Variants in SELENOF observed in about 807,000 individuals in gnomAD.
SELENOF encodes selenoprotein F.
A neutral mutation model predicts 20.5 loss-of-function variants in SELENOF; 16 were observed. The observed-to-expected ratio is 0.78, with a 90% CI of 0.53 to 1.19. SELENOF has a LOEUF of 1.19. Ranked by LOEUF, SELENOF falls within the 50% of genes most tolerant of loss-of-function variation. The pLI is 0.00. For synonymous variants in SELENOF, 78 were observed against 74.5 expected, an observed-to-expected ratio of 1.05 and a Z score of -0.24; for missense variants, 215 against 194.2, an observed-to-expected ratio of 1.11 and a Z score of -0.64.
At chr1:86,913,425 T>C (rs1393599022) in intron 1 of SELENOF, among the ~76,000 whole-genome samples, 1 of 152,178 alleles carries the variant, frequency 6.6e-6, no homozygotes, top group Non-Finnish European at 1.5e-5. Flanking sequence ...ACGAACATCA[T>C]TTAAAAAACT....
intron 1 of SELENOF, among the ~76,000 whole-genome samples, chr1:86,911,870 G>A (rs1401762605): frequency 1.3e-5 from 2 of 149,788 alleles, no homozygotes; most frequent in African/African-American, 4.9e-5. Context: ...TGCAACCTCC[G>A]CCTCCTGGGT....
chr1:86,909,974 G>A (rs1338171219), intron 1 of SELENOF, among the ~76,000 whole-genome samples: 2 of 152,172 alleles, frequency 1.3e-5, no homozygotes, highest in African/African-American at 2.4e-5. Flanking sequence ...GGGTGACAAT[G>A]CGAGACTTCG....
chr1:86,902,857 C>A (rs1016297534), intron 2 of SELENOF, among the ~76,000 whole-genome samples: 2 of 152,152 alleles, frequency 1.3e-5, no homozygotes, highest in Non-Finnish European at 2.9e-5. Flanking sequence ...TTCTTTTTAA[C>A]CAGATTTCAT....
rs983391912 is a variant in SELENOF, at chr1:86,862,826, T to G, written c.*648A>C. On this transcript the variant is annotated 3_prime_UTR_variant, in exon 5 of 5. Transcript: ENST00000331835. Reference sequence around the variant, plus strand: ...CTCAAAAATTTGCCAAGTATGTATCTGATCCACACAAATCCCTAGAAAGGT... The same window carrying G: ...CTCAAAAATTTGCCAAGTATGTATCGGATCCACACAAATCCCTAGAAAGGT... The G allele has an allele frequency of 4.6e-5, 7 of 152,484 alleles. No homozygotes were observed. The highest frequency in any genetic ancestry group is 2.0e-4 in the Admixed American group (3 of 15,280). The allele number at this position is 152,484 out of a possible 1,614,324, so 9.4% of individuals were successfully genotyped here.
At chr1:86,880,556 G>A in intron 3 of SELENOF, 106 bp downstream of exon 3, 2 of 597,178 alleles carry the variant, frequency 3.3e-6, no homozygotes, top group Non-Finnish European at 5.7e-6. Context: ...TGTTAAGAAA[G>A]TATAATCCTA....
At chr1:86,899,926 G>C (rs1338658807) in intron 2 of SELENOF, among the ~76,000 whole-genome samples, 1 of 151,824 alleles carries the variant, frequency 6.6e-6, no homozygotes, top group East Asian at 2.0e-4. Flanking sequence ...CGGCCGGGCA[G>C]AGGCGCTCCT....
intron 4 of SELENOF, 26 bp downstream of exon 4, chr1:86,868,027 A>AG: frequency 8.6e-7 from 1 of 1,156,848 alleles, no homozygotes; most frequent in Non-Finnish European, 1.2e-6. Context: ...GCTGGAAAAA[A>AG]GAGATCTCCA....
At chr1:86,909,007 A>G (rs779991755) in intron 1 of SELENOF, among the ~76,000 whole-genome samples, 9 of 152,228 alleles carry the variant, frequency 5.9e-5, no homozygotes, top group Non-Finnish European at 1.3e-4. Context: ...TAAAAACTCA[A>G]CTTGTCAAGT....
chr1:86,866,228 C>CTGTG (rs1382340517), intron 4 of SELENOF, among the ~76,000 whole-genome samples: 144 of 52,390 alleles, frequency 2.7e-3, no homozygotes, highest in African/African-American at 0.012. Context: ...AAGTGTGTGT[C>CTGTG]TCTGTGTGTG....
chr1:86,878,638 C>A (rs562357967), intron 3 of SELENOF, among the ~76,000 whole-genome samples: 2 of 152,134 alleles, frequency 1.3e-5, no homozygotes, highest in East Asian at 3.9e-4. Flanking sequence ...GCTGAAATTG[C>A]GCCACTGCAC....
At chr1:86,903,197 A>T in intron 2 of SELENOF, 84 bp downstream of exon 2, 2 of 1,217,814 alleles carry the variant, frequency 1.6e-6, no homozygotes, top group Non-Finnish European at 2.3e-6. Context: ...AGGCTTTTTT[A>T]CACTTAAATT....
At chr1:86,871,811 ATTAT>A (rs139642000) in intron 3 of SELENOF, among the ~76,000 whole-genome samples, 36,209 of 151,966 alleles carry the variant, frequency 0.24, 5,014 homozygotes, top group African/African-American at 0.38. Context: ...AATACATAAT[ATTAT>A]TTGTTGTATT....
At chr1:86,877,759 T>C (rs1658962473) in intron 3 of SELENOF, among the ~76,000 whole-genome samples, 1 of 152,176 alleles carries the variant, frequency 6.6e-6, no homozygotes, top group African/African-American at 2.4e-5. Flanking sequence ...TCCTGCTTGC[T>C]TTTTTTAATA....
chr1:86,872,600 C>T (rs1328403388), intron 3 of SELENOF, among the ~76,000 whole-genome samples: 1 of 148,040 alleles, frequency 6.8e-6, no homozygotes, highest in Non-Finnish European at 1.5e-5. Flanking sequence ...AGGCTGGTGT[C>T]GAATTCCCAA....
intron 2 of SELENOF, 104 bp from the exon 3 acceptor site, chr1:86,880,829 T>C (rs1343787805): frequency 2.0e-5 from 14 of 683,048 alleles, no homozygotes; most frequent in Non-Finnish European, 2.5e-5. Flanking sequence ...TTAGCAGATA[T>C]ATAGATCAAA....
At chr1:86,887,181 A>C in intron 2 of SELENOF, 3 of 1,543,268 alleles carry the variant, frequency 1.9e-6, no homozygotes, top group Non-Finnish European at 2.6e-6. Context: ...TCTTGCTTAG[A>C]AACAATGGAT....
intron 2 of SELENOF, among the ~76,000 whole-genome samples, chr1:86,884,771 G>A (rs1203235455): frequency 6.6e-6 from 1 of 152,154 alleles, no homozygotes; most frequent in African/African-American, 2.4e-5. Context: ...AAGTTGGTAG[G>A]CCTTTTTAAA....
chr1:86,867,083 G>A lies in SELENOF; in HGVS notation c.366+970C>T, dbSNP rs150439814. ...CCTTCCACAGGTGAATGACAAAACT[G>A]GTAATAACGAGTAATATTCAGTAAT... On this transcript the variant is annotated intron_variant, in intron 4 of 4. Coordinates refer to ENST00000331835, the MANE Select transcript of SELENOF (RefSeq NM_004261.5). Among the ~76,000 whole-genome samples the A allele has an allele frequency of 5.4e-3, 816 of 152,166 alleles. 10 individuals carry two copies. Among genetic ancestry groups the A allele is most frequent in the African/African-American group, 0.019 (774 of 41,514 alleles).
At chr1:86,869,786 G>A (rs948148971) in intron 3 of SELENOF, among the ~76,000 whole-genome samples, 1 of 149,144 alleles carries the variant, frequency 6.7e-6, no homozygotes, top group Admixed American at 6.8e-5. Context: ...GGTCTCACTC[G>A]GCTGAGCGCG....
Sources: gnomAD v4.1 joint callset for allele counts (sites outside exome capture counted in the v4.1 genomes callset) on GRCh38, gnomAD v4.1.1 for gene constraint, MANE v1.5 for transcripts, NCBI Gene and HGNC (gene_info 2026-07-23, HGNC 2026-07-21) for gene names.